Variants in FGF13 observed in about 807,000 individuals in gnomAD.
FGF13 encodes the protein fibroblast growth factor 13.
In FGF13, 2 loss-of-function variants were observed where a neutral mutation model predicts 19.5. That is an observed-to-expected ratio of 0.10 (90% CI 0.04 to 0.32). FGF13 has a LOEUF of 0.32. Ranked by LOEUF, FGF13 falls within the 10% of genes least tolerant of loss-of-function variation. The pLI is 1.00. For missense variants in FGF13, 113 were observed against 192.7 expected, an observed-to-expected ratio of 0.59 and a Z score of 2.45; for synonymous variants, 72 against 76.9, an observed-to-expected ratio of 0.94 and a Z score of 0.33.
At chrX:139,110,832 T>C (rs773559493) in intron 1 of FGF13, among the ~76,000 whole-genome samples, 2 of 111,188 alleles carry the variant, frequency 1.8e-5, no homozygotes, top group Non-Finnish European at 3.8e-5. Context: ...GTAGCAGTGG[T>C]GGTGGCTTCT....
chrX:138,939,412 T>A (rs187714685), intron 1 of FGF13, among the ~76,000 whole-genome samples: 14 of 112,274 alleles, frequency 1.2e-4, no homozygotes, highest in African/African-American at 4.5e-4. Context: ...ATGTTAGAGT[T>A]TATTTATTTT....
At chrX:138,961,476 T>A (rs1407891488) in intron 1 of FGF13, among the ~76,000 whole-genome samples, 1 of 111,707 alleles carries the variant, frequency 9.0e-6, no homozygotes, top group Non-Finnish European at 1.9e-5. Context: ...AGTCTGTCTC[T>A]TCTCTGATCT....
chrX:139,014,336 G>C (rs2092144000), intron 1 of FGF13, among the ~76,000 whole-genome samples: 1 of 110,971 alleles, frequency 9.0e-6, no homozygotes, highest in East Asian at 2.8e-4. Context: ...GTTTTGAAAA[G>C]ACAGACAAAA....
chrX:138,784,352 G>A (rs889944771), intron 3 of FGF13, among the ~76,000 whole-genome samples: 1 of 107,276 alleles, frequency 9.3e-6, no homozygotes, highest in Non-Finnish European at 1.9e-5. Flanking sequence ...AAAAGAAAAG[G>A]TGTCCTGAGT....
intron 3 of FGF13, among the ~76,000 whole-genome samples, chrX:138,825,156 A>G (rs1207392264): frequency 9.0e-6 from 1 of 111,652 alleles, no homozygotes; most frequent in Non-Finnish European, 1.9e-5. Context: ...GACAGTTTCA[A>G]TGTTTTAGGA....
chrX:138,913,009 C>G (rs1354101373), intron 1 of FGF13, among the ~76,000 whole-genome samples: 1 of 110,328 alleles, frequency 9.1e-6, no homozygotes, highest in Admixed American at 9.7e-5. Context: ...AGAAAACAAA[C>G]CCCTAGCAAA....
chrX:138,777,756 GAACCTTGACGCCA>G (rs1602832507), intron 3 of FGF13, among the ~76,000 whole-genome samples: 2 of 111,556 alleles, frequency 1.8e-5, no homozygotes, highest in African/African-American at 6.5e-5. Flanking sequence ...AAGTAGGCCA[GAACCTTGACGCCA>G]AATCTCAATG....
At chrX:138,694,646 A>T (rs1399731504) in intron 3 of FGF13, among the ~76,000 whole-genome samples, 6 of 105,822 alleles carry the variant, frequency 5.7e-5, no homozygotes, top group African/African-American at 1.7e-4. Context: ...TTATTTTTTT[A>T]AATTTTTTAT....
chrX:138,878,913 A>AT (rs1177185550), intron 1 of FGF13, among the ~76,000 whole-genome samples: 1 of 110,862 alleles, frequency 9.0e-6, no homozygotes, highest in Non-Finnish European at 1.9e-5. Context: ...GATGATGAGC[A>AT]TTTTTTCATG....
At chrX:139,144,731 G>A (rs764945696) in intron 1 of FGF13, among the ~76,000 whole-genome samples, 2 of 110,946 alleles carry the variant, frequency 1.8e-5, no homozygotes, top group South Asian at 3.9e-4. Flanking sequence ...CAAGCTTTTC[G>A]ATCTCAGAAT....
chrX:138,689,583 A>G (rs2089818955), intron 3 of FGF13, among the ~76,000 whole-genome samples: 1 of 112,399 alleles, frequency 8.9e-6, no homozygotes, highest in South Asian at 3.7e-4. Context: ...GCTGCCGCTG[A>G]GCAGAGGAGG....
chrX:139,061,211 T>G (rs1235157375), intron 1 of FGF13, among the ~76,000 whole-genome samples: 1 of 111,824 alleles, frequency 8.9e-6, no homozygotes, highest in Non-Finnish European at 1.9e-5. Context: ...CCTGGGTGGC[T>G]GTACTAATTT....
At chrX:139,174,829 T>C (rs777249697) in intron 1 of FGF13, among the ~76,000 whole-genome samples, 2 of 112,397 alleles carry the variant, frequency 1.8e-5, no homozygotes, top group Admixed American at 1.9e-4. Flanking sequence ...TCAGGTAGTG[T>C]GATGCCTCCA....
chrX:138,727,571 A>G (rs773001260), intron 1 of FGF13, among the ~76,000 whole-genome samples: 1 of 111,731 alleles, frequency 9.0e-6, no homozygotes, highest in Non-Finnish European at 1.9e-5. Context: ...ATAACTGTGG[A>G]ACAAATCCAC....
In FGF13 at chrX:139,146,360, C is replaced by A. The variant is rs748915648; in HGVS notation, c.-113+57056G>T. Among the ~76,000 whole-genome samples the A allele has an allele frequency of 2.8e-3, 309 of 112,362 alleles. 1 individual carries two copies. Among genetic ancestry groups the A allele is most frequent in the Non-Finnish European group, 3.9e-3 (209 of 53,245 alleles). ...AAGACATTTATGCAGCCAAAAGACA[C>A]ATGAAAAAATGCTCATCATCACCGG... On this transcript the variant is annotated intron_variant, in intron 1 of 2. Transcript: ENST00000421460.
At chrX:139,062,706 C>T (rs2092340285) in intron 1 of FGF13, among the ~76,000 whole-genome samples, 1 of 111,167 alleles carries the variant, frequency 9.0e-6, no homozygotes, top group African/African-American at 3.3e-5. Flanking sequence ...TTATTTTTAC[C>T]TTTTTCAATT....
intron 1 of FGF13, among the ~76,000 whole-genome samples, chrX:139,177,746 C>G (rs1210940471): frequency 9.0e-6 from 1 of 111,495 alleles, no homozygotes; most frequent in East Asian, 2.8e-4. Flanking sequence ...ATTTCTCTCT[C>G]TCTTGCATTC....
chrX:138,936,053 G>A (rs905642917), intron 1 of FGF13, among the ~76,000 whole-genome samples: 1 of 111,975 alleles, frequency 8.9e-6, no homozygotes, highest in African/African-American at 3.2e-5. Context: ...ACAAAGACAA[G>A]GCATATTGGG....
At chrX:139,027,439 T>C (rs887335459) in intron 1 of FGF13, among the ~76,000 whole-genome samples, 2 of 112,302 alleles carry the variant, frequency 1.8e-5, no homozygotes, top group Non-Finnish European at 3.8e-5. Flanking sequence ...TAATACAGCA[T>C]GTCACCTATT....
Sources: allele counts gnomAD v4.1 joint callset (sites outside exome capture counted in the v4.1 genomes callset), GRCh38; gene constraint gnomAD v4.1.1; transcripts MANE v1.5; gene names NCBI Gene and HGNC (gene_info 2026-07-23, HGNC 2026-07-21).